The following MAF variants were observed in gnomAD, a reference collection of about 807,000 sequenced individuals.
The protein encoded by MAF is MAF bZIP transcription factor, also known as transcription factor Maf.
MAF carries 10 observed loss-of-function variants against 22.0 expected under a neutral mutation model. The observed-to-expected ratio is 0.45, with a 90% CI of 0.28 to 0.77. The LOEUF (loss-of-function observed/expected upper bound fraction) is 0.77. Among genes scored for constraint, MAF ranks in the 30% least tolerant of loss-of-function variants. The pLI, the probability that MAF is intolerant of heterozygous loss-of-function variation, is 0.12. For missense variants in MAF, 544 were observed against 548.4 expected, an observed-to-expected ratio of 0.99 and a Z score of 0.08; for synonymous variants, 337 against 255.8, an observed-to-expected ratio of 1.32 and a Z score of -3.03.
chr16:79,504,887 A>G, the MAF span, among the ~76,000 whole-genome samples: 1 of 152,172 alleles, frequency 6.6e-6, no homozygotes, highest in African/African-American at 2.4e-5. Context: ...TTGTACGAAC[A>G]CACACATTCA....
the MAF span, among the ~76,000 whole-genome samples, chr16:79,452,139 G>A: frequency 6.6e-6 from 1 of 152,196 alleles, no homozygotes; most frequent in African/African-American, 2.4e-5. Flanking sequence ...TAGAGACAGT[G>A]TGGCCTGCAA....
chr16:79,232,088 G>T, the MAF span, among the ~76,000 whole-genome samples: 1 of 151,984 alleles, frequency 6.6e-6, no homozygotes. Context: ...AATGGGGAAC[G>T]GCTGCAATTA....
chr16:79,355,733 G>A, the MAF span, among the ~76,000 whole-genome samples: 16 of 152,286 alleles, frequency 1.1e-4, no homozygotes, highest in African/African-American at 3.4e-4. Context: ...AATCCGTGTT[G>A]AACTTTTGCA....
At chr16:79,346,386 T>G in the MAF span, among the ~76,000 whole-genome samples, 1 of 152,120 alleles carries the variant, frequency 6.6e-6, no homozygotes, top group Non-Finnish European at 1.5e-5. Context: ...TCACCTCAAT[T>G]TGTTCTAATG....
chr16:79,244,036 C>A, the MAF span, among the ~76,000 whole-genome samples: 9 of 151,980 alleles, frequency 5.9e-5, no homozygotes, highest in Non-Finnish European at 2.9e-5. Context: ...CTAAAACTCT[C>A]AATAAACTAG....
the MAF span, among the ~76,000 whole-genome samples, chr16:79,317,360 C>A: frequency 6.8e-6 from 1 of 146,852 alleles, no homozygotes; most frequent in Non-Finnish European, 1.5e-5. Context: ...TTCCTTCTTC[C>A]CTCCTTTTCT....
At chr16:79,385,443 C>A in the MAF span, among the ~76,000 whole-genome samples, 11 of 151,956 alleles carry the variant, frequency 7.2e-5, no homozygotes, top group African/African-American at 2.4e-4. Context: ...TCTGCCTGTT[C>A]TCTATGTAAG....
At chr16:79,509,771 G>C in the MAF span, among the ~76,000 whole-genome samples, 1 of 152,186 alleles carries the variant, frequency 6.6e-6, no homozygotes, top group Admixed American at 6.5e-5. Context: ...TCACTCCACT[G>C]TTATCCACAA....
chr16:79,409,618 C>G, the MAF span, among the ~76,000 whole-genome samples: 2 of 152,188 alleles, frequency 1.3e-5, no homozygotes, highest in African/African-American at 4.8e-5. Context: ...AACCCTCAGC[C>G]AAACCCAGCT....
chr16:79,320,951 G>C, the MAF span, among the ~76,000 whole-genome samples: 2 of 152,200 alleles, frequency 1.3e-5, no homozygotes, highest in Non-Finnish European at 2.9e-5. Flanking sequence ...TCCAGTAAAT[G>C]AAGAAGATGG....
At chr16:79,214,303 C>G in the MAF span, among the ~76,000 whole-genome samples, 3 of 152,200 alleles carry the variant, frequency 2.0e-5, no homozygotes, top group African/African-American at 7.2e-5. Flanking sequence ...TCCTGTCACA[C>G]AGCAAACTTA....
chr16:79,502,155 A>C, the MAF span, among the ~76,000 whole-genome samples: 1 of 152,132 alleles, frequency 6.6e-6, no homozygotes, highest in Non-Finnish European at 1.5e-5. Flanking sequence ...CGTGACAGCC[A>C]GAAGGACTCA....
At chr16:79,288,773 A>G in the MAF span, among the ~76,000 whole-genome samples, 1 of 152,178 alleles carries the variant, frequency 6.6e-6, no homozygotes, top group Non-Finnish European at 1.5e-5. Flanking sequence ...TGTGTCACCC[A>G]GGCTGGAGTA....
chr16:79,403,414 A>G, the MAF span, among the ~76,000 whole-genome samples: 3 of 152,196 alleles, frequency 2.0e-5, no homozygotes, highest in Admixed American at 2.0e-4. Flanking sequence ...GACAGCCTCA[A>G]ACGCAGAAAG....
the MAF span, among the ~76,000 whole-genome samples, chr16:79,506,304 G>C: frequency 6.6e-6 from 1 of 152,098 alleles, no homozygotes; most frequent in Non-Finnish European, 1.5e-5. Flanking sequence ...GCTGAGGCTC[G>C]GCAAAGTCCA....
At chr16:79,401,959 T>C in the MAF span, among the ~76,000 whole-genome samples, 1 of 152,152 alleles carries the variant, frequency 6.6e-6, no homozygotes. Context: ...AATGGGATGC[T>C]ATCATTACCC....
the MAF span, chr16:79,212,420 T>A: frequency 4.9e-5 from 18 of 367,326 alleles, 1 homozygote; most frequent in East Asian, 8.0e-4. Context: ...CCTTTGCTAA[T>A]GCTATGCAAA....
At chr16:79,392,617 A>G in the MAF span, among the ~76,000 whole-genome samples, 1 of 152,154 alleles carries the variant, frequency 6.6e-6, no homozygotes, top group African/African-American at 2.4e-5. Flanking sequence ...ATTAGCCAAA[A>G]CAATGCCTAG....
At chr16:79,595,114 T>C in intron 1 of MAF, 1 of 1,038,862 alleles carries the variant, frequency 9.6e-7, no homozygotes, top group Non-Finnish European at 1.2e-6. Flanking sequence ...TATCTCTTAG[T>C]TGTGATGAGG....
Sources: allele counts gnomAD v4.1 joint callset (sites outside exome capture counted in the v4.1 genomes callset), GRCh38; gene constraint gnomAD v4.1.1; transcripts MANE v1.5; gene names NCBI Gene and HGNC (gene_info 2026-07-23, HGNC 2026-07-21).